The following STAM2 variants were observed in gnomAD, a reference collection of about 807,000 sequenced individuals.
STAM2 encodes signal transducing adaptor molecule 2, also known as signal transducing adapter molecule 2.
Under a neutral mutation model 65.6 loss-of-function variants are expected in STAM2, and 51 were observed. The ratio of observed to expected loss-of-function variants is 0.78; its 90% confidence interval spans 0.62 to 0.98. The LOEUF is 0.98. Among genes scored for constraint, STAM2 ranks in the 50% least tolerant of loss-of-function variants. The pLI is 0.00. For synonymous variants in STAM2, 198 were observed against 208.4 expected (o/e 0.95, Z 0.43); for missense variants, 584 against 617.8 (o/e 0.95, Z 0.58).
In STAM2 at chr2:152,148,294, T is replaced by C. The variant is rs748608694; in HGVS notation, c.132A>G (p.Lys44=). The part of the protein sequence containing the change: ...DKVGSTPNGA[K]DCLKAIMKRV... ...TTTTCATTATGGCTTTTAGGCAATC[T>C]TTCGCTCTAAAAAAAAAAAGAGAGA... The change falls in exon 3 of 14, where the codon AAA becomes AAG. Residue 44 remains lysine, a synonymous_variant. Transcript: ENST00000263904. The C allele has an allele frequency of 3.1e-6, 5 of 1,604,684 alleles. No individual in the cohort carries two copies. The highest frequency in any genetic ancestry group is 1.1e-5 in the South Asian group (1 of 88,332).
chr2:152,145,788 G>A (rs1689328195), intron 5 of STAM2, among the ~76,000 whole-genome samples: 1 of 152,248 alleles, frequency 6.6e-6, no homozygotes, highest in Admixed American at 6.5e-5. Flanking sequence ...AGTAAGGAAG[G>A]TCATGCTTGA....
At chr2:152,163,497 T>C (rs1387329434) in intron 1 of STAM2, among the ~76,000 whole-genome samples, 6 of 151,846 alleles carry the variant, frequency 4.0e-5, no homozygotes, top group Non-Finnish European at 7.4e-5. Flanking sequence ...TAAATCTGAT[T>C]GTAAAACACG....
At chr2:152,158,996 T>C (rs554320562) in intron 1 of STAM2, among the ~76,000 whole-genome samples, 58 of 150,236 alleles carry the variant, frequency 3.9e-4, no homozygotes, top group African/African-American at 1.3e-3. Flanking sequence ...GGAAAAAAAA[T>C]TGCCTTTTAT....
chr2:152,149,071 T>G (rs1259553105), intron 2 of STAM2, among the ~76,000 whole-genome samples: 1 of 152,212 alleles, frequency 6.6e-6, no homozygotes, highest in Non-Finnish European at 1.5e-5. Context: ...TTGCCACATC[T>G]CCCCAAAAGC....
intron 1 of STAM2, among the ~76,000 whole-genome samples, chr2:152,156,726 G>GT (rs1300982305): frequency 6.6e-6 from 1 of 152,078 alleles, no homozygotes; most frequent in Non-Finnish European, 1.5e-5. Flanking sequence ...TCAAAGTACA[G>GT]CTTTAAAAAG....
In STAM2 at chr2:152,118,768, G is replaced by A. The variant is rs921095506; in HGVS notation, c.*1806C>T. 8.6e-5 allele frequency: 13 copies of A among 151,728 alleles called. 1 individual carries two copies. The highest frequency in any genetic ancestry group is 6.2e-4 in the South Asian group (3 of 4,818). The allele number at this position is 151,728 out of a possible 1,614,324, so 9.4% of individuals were successfully genotyped here. A position where few individuals can be genotyped will look rare whatever the true frequency, so the allele number is the denominator to read the frequency against. On this transcript the variant is annotated 3_prime_UTR_variant, in exon 14 of 14. Coordinates refer to ENST00000263904, the MANE Select transcript of STAM2 (RefSeq NM_005843.6). ...AGAAGATTTGTTTCCAAAAAGTAAG[G>A]TGCCATTCAGAAGTATATAATTGAA...
At position 152,175,601 on chromosome 2, in the gene STAM2, A is replaced by AC. The variant is rs1255775035; in HGVS notation, c.40+1dup. 1.2e-6 allele frequency: 2 copies of AC among 1,613,552 alleles called. No individual in the cohort carries two copies. The highest frequency in any genetic ancestry group is 1.7e-6 in the Non-Finnish European group (2 of 1,179,920). On this transcript the variant is annotated splice_donor_variant, in intron 1 of 13. Coordinates refer to ENST00000263904, the MANE Select transcript of STAM2 (RefSeq NM_005843.6). LOFTEE classifies it high-confidence loss of function. ...CAGTCCAGGACCGGGCACAGCACTC[A>AC]CCCACGTCTTGCTCGAAGGGGTTGG...
At chr2:152,175,046 G>A (rs898465160) in intron 1 of STAM2, among the ~76,000 whole-genome samples, 1 of 152,108 alleles carries the variant, frequency 6.6e-6, no homozygotes, top group Non-Finnish European at 1.5e-5. Context: ...TGCAATCCGG[G>A]GATGAAGAGC....
chr2:152,170,263 C>T (rs1013445739), intron 1 of STAM2, among the ~76,000 whole-genome samples: 47 of 150,962 alleles, frequency 3.1e-4, no homozygotes, highest in African/African-American at 1.7e-4. Flanking sequence ...GGGCGGATCA[C>T]GAGGTCAGGA....
intron 1 of STAM2, among the ~76,000 whole-genome samples, chr2:152,170,224 G>A (rs1689873982): frequency 6.6e-6 from 1 of 150,388 alleles, no homozygotes; most frequent in Non-Finnish European, 1.5e-5. Flanking sequence ...GCTCATATCT[G>A]TAATCCCAGC....
chr2:152,167,055 A>G (rs1689801875), intron 1 of STAM2, among the ~76,000 whole-genome samples: 1 of 152,186 alleles, frequency 6.6e-6, no homozygotes, highest in Non-Finnish European at 1.5e-5. Context: ...AATATGAGGG[A>G]GACTGTACAT....
At chr2:152,156,755 A>C (rs1442171222) in intron 1 of STAM2, among the ~76,000 whole-genome samples, 2 of 152,228 alleles carry the variant, frequency 1.3e-5, no homozygotes, top group African/African-American at 2.4e-5. Flanking sequence ...TCTACCCATA[A>C]AACTTTTAAT....
intron 5 of STAM2, 109 bp downstream of exon 5, chr2:152,147,053 A>T (rs897871499): frequency 2.9e-6 from 3 of 1,034,768 alleles, no homozygotes; most frequent in Non-Finnish European, 4.1e-6. Flanking sequence ...GTCATTTGGG[A>T]AGTAAAGGTG....
chr2:152,165,326 G>A (rs1219700146), intron 1 of STAM2, among the ~76,000 whole-genome samples: 1 of 151,978 alleles, frequency 6.6e-6, no homozygotes, highest in East Asian at 1.9e-4. Context: ...AACTCCTCAG[G>A]AGGCTGTGGC....
intron 7 of STAM2, among the ~76,000 whole-genome samples, chr2:152,142,514 T>C (rs565518740): frequency 5.9e-5 from 9 of 152,300 alleles, no homozygotes; most frequent in Non-Finnish European, 1.0e-4. Flanking sequence ...CTCTCCATCT[T>C]TACAGACAGT....
At chr2:152,122,081 T>TGTGC (rs1160389685) in intron 13 of STAM2, among the ~76,000 whole-genome samples, 2 of 90,970 alleles carry the variant, frequency 2.2e-5, no homozygotes, top group Admixed American at 1.4e-4. Context: ...TATATATGTG[T>TGTGC]GTGTGTGTGT....
chr2:152,119,943 A>G lies in STAM2; in HGVS notation c.*631T>C, dbSNP rs893495360. 1 of 152,752 alleles carries G rather than the reference A, an allele frequency of 6.5e-6. No homozygotes were observed. The highest frequency in any genetic ancestry group is 6.5e-5 in the Admixed American group (1 of 15,292). The allele number at this position is 152,752 out of a possible 1,614,324, so 9.5% of individuals were successfully genotyped here. On this transcript the variant is annotated 3_prime_UTR_variant, in exon 14 of 14. Coordinates refer to ENST00000263904, the MANE Select transcript of STAM2 (RefSeq NM_005843.6). ...AATTATATGCTAATTATTATTCAAC[A>G]TAACAGTGAGAGCAAAAGTGACAAT...
Position 152,120,695 on chromosome 2 carries a change from T to A in STAM2, c.1457A>T (p.Asp486Val). The change falls in exon 14 of 14, where the codon GAT becomes GTT. Residue 486 changes from aspartate (D) to valine (V), a missense_variant. Transcript: ENST00000263904. ...AYTQQMGMSV[D>V]MSSYQNTTSN... The stretch of plus-strand genomic sequence containing the variant: ...AGTAGTGTTCTGATAAGATGACATA[T>A]CCACAGACATCCCCATTTGCTGTGT... 1 of 1,614,178 alleles carries A rather than the reference T, an allele frequency of 6.2e-7. No individual in the cohort carries two copies.
chr2:152,166,100 G>A (rs1341386053), intron 1 of STAM2, among the ~76,000 whole-genome samples: 1 of 152,134 alleles, frequency 6.6e-6, no homozygotes, highest in Admixed American at 6.5e-5. Flanking sequence ...ATTGAACCTG[G>A]GAGGTGGAGG....
Sources: allele counts gnomAD v4.1 joint callset (sites outside exome capture counted in the v4.1 genomes callset), GRCh38; gene constraint gnomAD v4.1.1; transcripts MANE v1.5; gene names NCBI Gene and HGNC (gene_info 2026-07-23, HGNC 2026-07-21).